The following MACROD2 variants were observed in gnomAD, a reference collection of about 807,000 sequenced individuals.
MACROD2 encodes mono-ADP ribosylhydrolase 2.
MACROD2 carries 36 observed loss-of-function variants against 70.4 expected under a neutral mutation model. That is an observed-to-expected ratio of 0.51 (90% CI 0.39 to 0.68). The LOEUF (loss-of-function observed/expected upper bound fraction) is 0.68, where lower values mean the gene tolerates loss of function less well. Among genes scored for constraint, MACROD2 ranks in the 30% least tolerant of loss-of-function variants. The pLI, the probability that MACROD2 is intolerant of heterozygous loss-of-function variation, is 0.00. For missense variants in MACROD2, 496 were observed against 538.4 expected, an observed-to-expected ratio of 0.92 and a Z score of 0.78; for synonymous variants, 172 against 178.8, an observed-to-expected ratio of 0.96 and a Z score of 0.30.
chr20:15,419,330 G>A (rs186320209), intron 6 of MACROD2, among the ~76,000 whole-genome samples: 556 of 152,258 alleles, frequency 3.7e-3, no homozygotes, highest in Non-Finnish European at 5.9e-3. Flanking sequence ...AGCTCTATGT[G>A]CACTATAAAA....
intron 2 of MACROD2, among the ~76,000 whole-genome samples, chr20:14,067,019 G>GCCAGGATGGTCTCAATCT (rs1446844867): frequency 1.3e-5 from 2 of 151,190 alleles, no homozygotes; most frequent in African/African-American, 4.9e-5. Flanking sequence ...CACCTTGTTA[G>GCCAGGATGGTCTCAATCT]CCAGGATGGT....
chr20:14,828,612 A>C (rs1407459940), intron 5 of MACROD2, among the ~76,000 whole-genome samples: 1 of 151,988 alleles, frequency 6.6e-6, no homozygotes, highest in Non-Finnish European at 1.5e-5. Flanking sequence ...TAATTGTACA[A>C]ATGCCTTTCT....
At chr20:14,842,502 T>C (rs924025687) in intron 5 of MACROD2, among the ~76,000 whole-genome samples, 7 of 152,150 alleles carry the variant, frequency 4.6e-5, no homozygotes, top group African/African-American at 1.7e-4. Flanking sequence ...CTCTTTTCTG[T>C]TCTGTTTACA....
At chr20:14,768,846 C>T (rs796690718) in intron 5 of MACROD2, among the ~76,000 whole-genome samples, 2 of 152,044 alleles carry the variant, frequency 1.3e-5, no homozygotes, top group Non-Finnish European at 2.9e-5. Flanking sequence ...CCATAAAGAT[C>T]AGAAAATTCC....
At chr20:15,780,612 TGTC>T (rs2051815010) in intron 8 of MACROD2, among the ~76,000 whole-genome samples, 1 of 152,168 alleles carries the variant, frequency 6.6e-6, no homozygotes, top group African/African-American at 2.4e-5. Context: ...AATACCTAAA[TGTC>T]ACTTTGAAAG....
At chr20:15,436,614 TTTCTCAGTCCTTGC>T (rs2046431129) in intron 7 of MACROD2, among the ~76,000 whole-genome samples, 2 of 152,186 alleles carry the variant, frequency 1.3e-5, no homozygotes, top group Non-Finnish European at 2.9e-5. Context: ...AAGTTACAGC[TTTCTCAGTCCTTGC>T]TTCTTTCCCA....
chr20:15,145,866 G>T (rs942957943), intron 5 of MACROD2, among the ~76,000 whole-genome samples: 1 of 151,966 alleles, frequency 6.6e-6, no homozygotes, highest in Non-Finnish European at 1.5e-5. Flanking sequence ...AAAAATTGAA[G>T]AAACACCACC....
intron 8 of MACROD2, among the ~76,000 whole-genome samples, chr20:15,705,875 C>T (rs1600785516): frequency 1.3e-5 from 2 of 152,134 alleles, no homozygotes; most frequent in South Asian, 4.1e-4. Context: ...CTAACTTTTC[C>T]ATAAATGAAT....
intron 4 of MACROD2, among the ~76,000 whole-genome samples, chr20:14,580,919 T>C (rs1224333207): frequency 6.6e-6 from 1 of 152,230 alleles, no homozygotes; most frequent in Non-Finnish European, 1.5e-5. Flanking sequence ...CAGTCAGTCA[T>C]TGCAGAGCTT....
chr20:14,962,711 C>T (rs991213860), intron 5 of MACROD2, among the ~76,000 whole-genome samples: 1 of 151,466 alleles, frequency 6.6e-6, no homozygotes, highest in African/African-American at 2.4e-5. Context: ...TTATTCTCTT[C>T]TTTTTTTTCT....
intron 7 of MACROD2, among the ~76,000 whole-genome samples, chr20:15,480,686 C>T (rs529761234): frequency 1.3e-5 from 2 of 152,146 alleles, no homozygotes; most frequent in South Asian, 2.1e-4. Flanking sequence ...GAAAGTGATT[C>T]GTGTATTTCT....
intron 3 of MACROD2, among the ~76,000 whole-genome samples, chr20:14,426,515 A>G (rs192907940): frequency 1.3e-5 from 2 of 152,238 alleles, no homozygotes; most frequent in South Asian, 2.1e-4. Flanking sequence ...GACTTTCCTC[A>G]GATGTCTTGT....
At chr20:14,399,979 C>A (rs1376278181) in intron 3 of MACROD2, among the ~76,000 whole-genome samples, 1 of 152,084 alleles carries the variant, frequency 6.6e-6, no homozygotes, top group Non-Finnish European at 1.5e-5. Flanking sequence ...CTTGGATGTA[C>A]AGAATATAGT....
At chr20:14,965,712 C>T (rs890438251) in intron 5 of MACROD2, among the ~76,000 whole-genome samples, 1 of 151,688 alleles carries the variant, frequency 6.6e-6, no homozygotes, top group Non-Finnish European at 1.5e-5. Flanking sequence ...TCGTGATCCA[C>T]CCGTCTCGGC....
At chr20:14,981,188 A>G (rs2074795639) in intron 5 of MACROD2, among the ~76,000 whole-genome samples, 1 of 152,118 alleles carries the variant, frequency 6.6e-6, no homozygotes, top group Non-Finnish European at 1.5e-5. Context: ...TGACATAGCT[A>G]GTATATTCAG....
chr20:14,658,088 C>CT (rs1315354955), intron 4 of MACROD2, among the ~76,000 whole-genome samples: 9 of 151,176 alleles, frequency 6.0e-5, no homozygotes, highest in East Asian at 3.9e-4. Context: ...ATTTTGCATC[C>CT]TTTTTTTTCA....
chr20:15,516,926 A>T (rs2047575605), intron 8 of MACROD2, among the ~76,000 whole-genome samples: 1 of 152,166 alleles, frequency 6.6e-6, no homozygotes. Flanking sequence ...AACACTACTT[A>T]TGCTCATCTT....
At chr20:15,702,474 A>T (rs551344355) in intron 8 of MACROD2, among the ~76,000 whole-genome samples, 2 of 152,300 alleles carry the variant, frequency 1.3e-5, no homozygotes, top group African/African-American at 4.8e-5. Context: ...TCTTTTGAGA[A>T]GAGTCTGTTC....
At position 15,769,445 on chromosome 20, in the gene MACROD2, C is replaced by A. The variant is rs770659186; in HGVS notation, c.646-93300C>A. 4.5e-4 allele frequency among the ~76,000 whole-genome samples: 69 copies of A among 152,324 alleles called. 1 individual carries two copies. Among genetic ancestry groups the A allele is most frequent in the East Asian group, 7.7e-4 (4 of 5,190 alleles). On this transcript the variant is annotated intron_variant, in intron 8 of 17. Transcript: ENST00000684519. Reference sequence around the variant, plus strand: ...TACAGGTGTGAGCCACCACGCCCCACCTAATATAATTATTTATTATTAACT... The same window carrying A: ...TACAGGTGTGAGCCACCACGCCCCAACTAATATAATTATTTATTATTAACT...
Sources: allele counts gnomAD v4.1 joint callset (sites outside exome capture counted in the v4.1 genomes callset), GRCh38; gene constraint gnomAD v4.1.1; transcripts MANE v1.5; gene names NCBI Gene and HGNC (gene_info 2026-07-23, HGNC 2026-07-21).